Variants in IFNGR2 observed in about 807,000 individuals in gnomAD.
IFNGR2 encodes IFN-gamma receptor 2.
In IFNGR2, 15 loss-of-function variants were observed where a neutral mutation model predicts 41.1. The ratio of observed to expected loss-of-function variants is 0.37; its 90% confidence interval spans 0.24 to 0.56. The LOEUF (loss-of-function observed/expected upper bound fraction) is 0.56, where lower values mean the gene tolerates loss of function less well. Among genes scored for constraint, IFNGR2 ranks in the 20% least tolerant of loss-of-function variants. The probability of loss-of-function intolerance (pLI) is 0.81; values close to 1 mark genes in which losing one functional copy is unlikely to be tolerated. For missense variants in IFNGR2, 362 were observed against 415.7 expected (o/e 0.87, Z 1.12); for synonymous variants, 161 against 171.6 (o/e 0.94, Z 0.48).
intron 2 of IFNGR2, among the ~76,000 whole-genome samples, chr21:33,415,370 T>C (rs1210979852): frequency 1.3e-5 from 2 of 152,208 alleles, no homozygotes; most frequent in African/African-American, 4.8e-5. Flanking sequence ...GGCTTAAAAA[T>C]CGGATTGATT....
At chr21:33,407,708 G>C (rs1415829428) in intron 1 of IFNGR2, among the ~76,000 whole-genome samples, 3 of 152,172 alleles carry the variant, frequency 2.0e-5, no homozygotes, top group African/African-American at 7.2e-5. Context: ...CGATTCTCCT[G>C]TCTCAGCCTC....
chr21:33,423,592 C>T (rs567208526), intron 3 of IFNGR2, among the ~76,000 whole-genome samples: 5 of 150,274 alleles, frequency 3.3e-5, no homozygotes, highest in Admixed American at 6.6e-5. Context: ...TTAGTAGAGA[C>T]GGGATTTCAC....
rs751639678 is a variant in IFNGR2, at chr21:33,432,790, T to C, written c.798T>C (p.Cys266=). The change falls in exon 6 of 7, where the codon TGT becomes TGC. Residue 266 remains cysteine, a synonymous_variant. Coordinates refer to ENST00000290219, the MANE Select transcript of IFNGR2 (RefSeq NM_005534.4). ...FSLLSVLAGA[C]FFLVLKYRGL... is the part of the protein sequence containing the mutation. ...TGCTGTCGGTGCTGGCAGGAGCCTG[T>C]TTCTTCCTGGTCCTGAAATATAGAG... The C allele has an allele frequency of 5.0e-6, 8 of 1,614,024 alleles. No homozygotes were observed. Among genetic ancestry groups the C allele is most frequent in the Non-Finnish European group, 6.8e-6 (8 of 1,179,898 alleles).
At chr21:33,415,585 T>C (rs1162174795) in intron 2 of IFNGR2, among the ~76,000 whole-genome samples, 1 of 152,234 alleles carries the variant, frequency 6.6e-6, no homozygotes, top group Admixed American at 6.5e-5. Context: ...ACATCCTTTG[T>C]TATTTTTTGT....
chr21:33,432,162 A>T lies in IFNGR2; in HGVS notation c.562-15A>T. 1.2e-6 allele frequency: 2 copies of T among 1,612,734 alleles called. No individual in the cohort carries two copies. The highest frequency in any genetic ancestry group is 1.7e-6 in the Non-Finnish European group (2 of 1,178,700). On this transcript the variant is annotated splice_polypyrimidine_tract_variant and intron_variant, in intron 4 of 6. Transcript: ENST00000290219. Reference sequence around the variant, plus strand: ...ATGTTCATTTACATGTGTGCTTGTGATGTTTTTAAAACAGGTCAAAGGCCC... The same window carrying T: ...ATGTTCATTTACATGTGTGCTTGTGTTGTTTTTAAAACAGGTCAAAGGCCC...
intron 6 of IFNGR2, among the ~76,000 whole-genome samples, chr21:33,434,530 AAAAT>A (rs1011031626): frequency 7.9e-5 from 12 of 152,068 alleles, no homozygotes; most frequent in Admixed American, 7.2e-4. Context: ...TCAAAAAAAT[AAAAT>A]AAATAAAAAG....
chr21:33,423,656 C>T (rs1323978923), intron 3 of IFNGR2, among the ~76,000 whole-genome samples: 1 of 151,980 alleles, frequency 6.6e-6, no homozygotes, highest in Non-Finnish European at 1.5e-5. Context: ...CCCATCTCAG[C>T]CTCCCAAAGT....
intron 2 of IFNGR2, among the ~76,000 whole-genome samples, chr21:33,417,296 C>T (rs1178122887): frequency 6.6e-6 from 1 of 152,016 alleles, no homozygotes; most frequent in Non-Finnish European, 1.5e-5. Flanking sequence ...TGCCATGTTG[C>T]CCAGGCTGGC....
intron 3 of IFNGR2, among the ~76,000 whole-genome samples, chr21:33,424,500 G>C (rs1364500786): frequency 6.6e-6 from 1 of 152,096 alleles, no homozygotes; most frequent in East Asian, 1.9e-4. Flanking sequence ...CACAGTGGTG[G>C]TCTCATGTCA....
intron 1 of IFNGR2, among the ~76,000 whole-genome samples, chr21:33,405,968 G>A (rs2083674602): frequency 6.6e-6 from 1 of 152,150 alleles, no homozygotes. Flanking sequence ...AGGCAGAGGT[G>A]CAGTAAGCTG....
intron 2 of IFNGR2, among the ~76,000 whole-genome samples, chr21:33,418,779 C>G (rs1385169482): frequency 6.6e-6 from 1 of 151,760 alleles, no homozygotes; most frequent in Admixed American, 6.6e-5. Flanking sequence ...ATTAAGAAAT[C>G]TGGACTTTTC....
chr21:33,421,718 A>G (rs373455443), intron 3 of IFNGR2, 33 bp downstream of exon 3: 8 of 1,548,222 alleles, frequency 5.2e-6, no homozygotes, highest in Non-Finnish European at 7.1e-6. Flanking sequence ...CTTCCTTTAT[A>G]CTTTCCAGGT....
intron 6 of IFNGR2, 80 bp from the exon 7 acceptor site, chr21:33,436,748 A>G: frequency 2.6e-6 from 3 of 1,160,986 alleles, no homozygotes; most frequent in Non-Finnish European, 3.7e-6. Context: ...AAAATAAAAT[A>G]AAAACAAAAA....
At chr21:33,428,331 C>T (rs1312014647) in intron 4 of IFNGR2, among the ~76,000 whole-genome samples, 1 of 151,960 alleles carries the variant, frequency 6.6e-6, no homozygotes, top group Non-Finnish European at 1.5e-5. Flanking sequence ...AAGCAGTCCA[C>T]CCACTTCAGC....
chr21:33,416,757 GC>G (rs2123341717), intron 2 of IFNGR2, among the ~76,000 whole-genome samples: 1 of 150,024 alleles, frequency 6.7e-6, no homozygotes, highest in East Asian at 2.0e-4. Flanking sequence ...GGGAGGCAGA[GC>G]TTGCAGTGAA....
At position 33,415,479 on chromosome 21, in the gene IFNGR2, T is replaced by TG. The variant is rs200368665; in HGVS notation, c.206+461dup. ...TGGTTTTCCATTTTGCATATTATCC[T>TG]GGCTCTTTCATCTGTCTCTTGCCTC... On this transcript the variant is annotated intron_variant, in intron 2 of 6. Coordinates refer to ENST00000290219, the MANE Select transcript of IFNGR2 (RefSeq NM_005534.4). 7.8e-3 allele frequency among the ~76,000 whole-genome samples: 1,193 copies of TG among 152,352 alleles called. 14 individuals are homozygous for TG. The highest frequency in any genetic ancestry group is 0.027 in the African/African-American group (1,121 of 41,578).
In IFNGR2 at chr21:33,437,182, A is replaced by C. The variant is rs1227268146; in HGVS notation, c.*220A>C. The C allele has an allele frequency of 5.6e-6, 3 of 536,650 alleles. No homozygotes were observed. Among genetic ancestry groups the C allele is most frequent in the Non-Finnish European group, 1.0e-5 (3 of 301,302 alleles). The allele number at this position is 536,650 out of a possible 1,614,324, so 33.2% of individuals were successfully genotyped here. A position where few individuals can be genotyped will look rare whatever the true frequency, so the allele number is the denominator to read the frequency against. On this transcript the variant is annotated 3_prime_UTR_variant, in exon 7 of 7. Coordinates refer to ENST00000290219, the MANE Select transcript of IFNGR2 (RefSeq NM_005534.4). Reference sequence around the variant, plus strand: ...ATCAAATTCCAGAATGATTTTACGGAGATATCCCAGGAAAATTAAGGCTTC... The same window carrying C: ...ATCAAATTCCAGAATGATTTTACGGCGATATCCCAGGAAAATTAAGGCTTC...
chr21:33,407,145 A>G (rs1396229101), intron 1 of IFNGR2, among the ~76,000 whole-genome samples: 1 of 152,134 alleles, frequency 6.6e-6, no homozygotes, highest in Non-Finnish European at 1.5e-5. Context: ...CTGAGTGTTG[A>G]GGAATTAAGG....
chr21:33,407,787 G>A (rs1161281027), intron 1 of IFNGR2, among the ~76,000 whole-genome samples: 1 of 151,840 alleles, frequency 6.6e-6, no homozygotes, highest in Non-Finnish European at 1.5e-5. Flanking sequence ...GTAGGGACGG[G>A]GTTTCACCAC....
Sources: allele counts gnomAD v4.1 joint callset (sites outside exome capture counted in the v4.1 genomes callset), GRCh38; gene constraint gnomAD v4.1.1; transcripts MANE v1.5; gene names NCBI Gene and HGNC (gene_info 2026-07-23, HGNC 2026-07-21).